B4GALNT3: variants seen among roughly 807,000 people sequenced by gnomAD.
B4GALNT3 encodes the protein beta-1,4-N-acetyl-galactosaminyltransferase 3.
In B4GALNT3, 86 loss-of-function variants were observed where a neutral mutation model predicts 120.2. That is an observed-to-expected ratio of 0.72 (90% CI 0.60 to 0.86). The LOEUF is 0.86. Among genes scored for constraint, B4GALNT3 ranks in the 40% least tolerant of loss-of-function variants. The pLI is 0.00. For missense variants in B4GALNT3, 1,167 were observed against 1,298.9 expected, an observed-to-expected ratio of 0.90 and a Z score of 1.56; for synonymous variants, 518 against 510.4, an observed-to-expected ratio of 1.01 and a Z score of -0.20.
At chr12:473,165 A>C (rs1485161738) in intron 1 of B4GALNT3, among the ~76,000 whole-genome samples, 2 of 152,014 alleles carry the variant, frequency 1.3e-5, no homozygotes, top group African/African-American at 4.8e-5. Context: ...GATGGGCCTC[A>C]GTATGTTGTC....
chr12:518,691 T>A (rs976065875), intron 1 of B4GALNT3, among the ~76,000 whole-genome samples: 2 of 152,248 alleles, frequency 1.3e-5, no homozygotes, highest in African/African-American at 2.4e-5. Flanking sequence ...TGAGGCACTG[T>A]GCCCAGCCCC....
At chr12:527,572 C>T (rs1946768806) in intron 1 of B4GALNT3, among the ~76,000 whole-genome samples, 1 of 152,226 alleles carries the variant, frequency 6.6e-6, no homozygotes, top group African/African-American at 2.4e-5. Flanking sequence ...CATGGCCCCA[C>T]CCATATCCAT....
Position 548,112 on chromosome 12 carries a change from C to T in B4GALNT3, c.786+10C>T. 1.2e-6 allele frequency: 2 copies of T among 1,612,414 alleles called. No homozygotes were observed. Among genetic ancestry groups the T allele is most frequent in the Admixed American group, 3.3e-5 (2 of 59,800 alleles). On this transcript the variant is annotated intron_variant, in intron 8 of 19. Coordinates refer to ENST00000266383, the MANE Select transcript of B4GALNT3 (RefSeq NM_173593.4). The surrounding 1 kb of genome is among the most constrained non-coding windows in gnomAD (Gnocchi z 4.9). Reference sequence around the variant, plus strand: ...CCACGTGGAAGTTGCAGTGAGTTTCCTGCTGCTCCCGCCTCTCCCAGCTCA... The same window carrying T: ...CCACGTGGAAGTTGCAGTGAGTTTCTTGCTGCTCCCGCCTCTCCCAGCTCA...
rs554768868 is a variant in B4GALNT3, at chr12:488,194, A to C, written c.169+27649A>C. On this transcript the variant is annotated intron_variant, in intron 1 of 19. Coordinates refer to ENST00000266383, the MANE Select transcript of B4GALNT3 (RefSeq NM_173593.4). Reference sequence around the variant, plus strand: ...TCAACCTAGAATTCTGAACCCTGTGAAATGATTCTTCAAAAGTGAAGCAGA... The same window carrying C: ...TCAACCTAGAATTCTGAACCCTGTGCAATGATTCTTCAAAAGTGAAGCAGA... 5.9e-5 allele frequency among the ~76,000 whole-genome samples: 9 copies of C among 152,242 alleles called. No individual in the cohort carries two copies. The South Asian group carries it at 1.9e-3, about 32-fold the overall frequency.
intron 1 of B4GALNT3, among the ~76,000 whole-genome samples, chr12:505,446 A>G (rs1592027926): frequency 6.6e-6 from 1 of 152,076 alleles, no homozygotes; most frequent in African/African-American, 2.4e-5. Context: ...CTAAGCCCAG[A>G]GGGGAAAGGA....
In B4GALNT3 at chr12:548,366, CAGGGGAGGAGGGGAGG is replaced by C. The variant is rs556823085; in HGVS notation, c.853+79_853+94del. The C allele has an allele frequency of 2.7e-6, 4 of 1,496,884 alleles. No individual in the cohort carries two copies. The highest frequency in any genetic ancestry group is 1.7e-5 in the Admixed American group (1 of 59,124). 92.7% of individuals were successfully genotyped at this position (1,496,884 alleles called of 1,614,324 possible). Reference sequence around the variant, plus strand: ...GGACAGCCTACCCTGGGGGATTTGGCAGGGGAGGAGGGGAGGAGGGGAGGAAGGAAGCTCGAGATGC... The same window carrying C: ...GGACAGCCTACCCTGGGGGATTTGGCAGGGGAGGAAGGAAGCTCGAGATGC... On this transcript the variant is annotated intron_variant, in intron 9 of 19. Coordinates refer to ENST00000266383, the MANE Select transcript of B4GALNT3 (RefSeq NM_173593.4). The surrounding 1 kb of genome is among the most constrained non-coding windows in gnomAD (Gnocchi z 4.9).
At chr12:554,719 G>A (rs7137781) in intron 14 of B4GALNT3, among the ~76,000 whole-genome samples, 10,856 of 130,988 alleles carry the variant, frequency 0.083, 536 homozygotes, top group Admixed American at 0.15. Flanking sequence ...GAACCCGGGA[G>A]GCGGAGCTTG....
intron 1 of B4GALNT3, among the ~76,000 whole-genome samples, chr12:461,193 G>T (rs993017988): frequency 6.8e-6 from 1 of 146,834 alleles, no homozygotes; most frequent in Middle Eastern, 3.4e-3. Context: ...TCCTGTTCGG[G>T]CCGCCCCTTC....
intron 1 of B4GALNT3, among the ~76,000 whole-genome samples, chr12:525,218 C>T (rs558420994): frequency 2.6e-5 from 4 of 152,208 alleles, no homozygotes; most frequent in African/African-American, 9.6e-5. Context: ...AAGCAGTTCT[C>T]CTGCCTCAGC....
At chr12:555,170 T>A in intron 14 of B4GALNT3, 1 of 334,890 alleles carries the variant, frequency 3.0e-6, no homozygotes, top group Non-Finnish European at 5.9e-6. Context: ...AGAGTGAGAC[T>A]CTGTCTCAAA....
At chr12:463,848 G>C (rs897362446) in intron 1 of B4GALNT3, among the ~76,000 whole-genome samples, 13 of 152,106 alleles carry the variant, frequency 8.5e-5, no homozygotes, top group African/African-American at 3.1e-4. Context: ...TGAAACAGAG[G>C]GTATAAGAAG....
Position 544,892 on chromosome 12 carries a change from C to T in B4GALNT3, c.458C>T (p.Thr153Ile). 1 of 1,613,938 alleles carries T rather than the reference C, an allele frequency of 6.2e-7. No homozygotes were observed. Among genetic ancestry groups the T allele is most frequent in the Admixed American group, 1.7e-5 (1 of 60,016 alleles). Residue 153 changes from threonine to isoleucine, a missense_variant, in exon 5 of 20, where the codon ACC becomes ATC. By Grantham distance (89) the Thr-to-Ile change is moderately conservative. This residue lies in a region of B4GALNT3 where 983 missense variants were observed against 1,102.5 expected (regional missense o/e 0.89). Transcript: ENST00000266383. ...CCTTTCTTGGCATAGATTCGCACAA[C>T]CCTGAGGAAGCTTGCTGTGTCCCCC... ...HFPLYPHIRT[T>I]LRKLAVSPKW...
chr12:471,384 CAATAAATAAATAAATAAATA>C (rs111851364), intron 1 of B4GALNT3, among the ~76,000 whole-genome samples: 12,038 of 137,264 alleles, frequency 0.088, 1,007 homozygotes, highest in African/African-American at 0.23. Context: ...GACTCTGTCT[CAATAAATAAATAAATAAATA>C]AATAAATAAA....
intron 1 of B4GALNT3, among the ~76,000 whole-genome samples, chr12:476,510 C>T (rs969066640): frequency 6.6e-6 from 1 of 152,144 alleles, no homozygotes; most frequent in Non-Finnish European, 1.5e-5. Context: ...ACTTGGGAGG[C>T]TGAGGCAGGT....
chr12:474,967 A>AAG (rs35931898), intron 1 of B4GALNT3, among the ~76,000 whole-genome samples: 1 of 148,644 alleles, frequency 6.7e-6, no homozygotes, highest in Non-Finnish European at 1.5e-5. Context: ...AAAAAAAAAA[A>AAG]GCCAAGTGTG....
chr12:522,222 A>G (rs1946717589), intron 1 of B4GALNT3, among the ~76,000 whole-genome samples: 1 of 152,224 alleles, frequency 6.6e-6, no homozygotes, highest in South Asian at 2.1e-4. Flanking sequence ...ACTCTTGTTC[A>G]CAGCAGCATT....
intron 3 of B4GALNT3, among the ~76,000 whole-genome samples, chr12:538,411 T>A (rs1313450143): frequency 2.0e-5 from 3 of 150,408 alleles, no homozygotes; most frequent in Non-Finnish European, 4.4e-5. Flanking sequence ...AAAAAAAAAA[T>A]AGCTAGCCGT....
At chr12:502,573 A>AT (rs1489217350) in intron 1 of B4GALNT3, among the ~76,000 whole-genome samples, 1 of 152,136 alleles carries the variant, frequency 6.6e-6, no homozygotes, top group African/African-American at 2.4e-5. Context: ...GAAAGATGAA[A>AT]TGTTAAGAGA....
At chr12:481,316 T>A (rs988562592) in intron 1 of B4GALNT3, among the ~76,000 whole-genome samples, 1 of 152,200 alleles carries the variant, frequency 6.6e-6, no homozygotes, top group Non-Finnish European at 1.5e-5. Context: ...GGCAGCAAGT[T>A]GAAAAGCTAG....
Sources: gnomAD v4.1 joint callset for allele counts (sites outside exome capture counted in the v4.1 genomes callset) on GRCh38, gnomAD v4.1.1 for gene constraint, gnomAD v4.1.1 regional missense constraint, Gnocchi (gnomAD v3.1) non-coding constraint, MANE v1.5 for transcripts, NCBI Gene and HGNC (gene_info 2026-07-23, HGNC 2026-07-21) for gene names.